ZNF883: variants seen among roughly 807,000 people sequenced by gnomAD.
ZNF883 encodes the protein zinc finger protein 883.
exon 1 of ZNF883, chr9:112,997,717 G>A (rs751115450): frequency 6.2e-7 from 1 of 1,613,722 alleles, no homozygotes; most frequent in Non-Finnish European, 8.5e-7. Context: ...GCTTACACTG[G>A]TAGGATTTTT....
At chr9:112,997,057 T>C (rs534376285), downstream of ZNF883, 121 of 1,453,076 alleles carry the variant, frequency 8.3e-5, no homozygotes, top group Non-Finnish European at 1.1e-4. Flanking sequence ...TAGGGTTGCT[T>C]GAACTGTGAG....
At chr9:113,007,090 A>G (rs542450844) in intron 2 of ZNF883, among the ~76,000 whole-genome samples, 1 of 152,278 alleles carries the variant, frequency 6.6e-6, no homozygotes, top group South Asian at 2.1e-4. Flanking sequence ...GCTGCTCAGG[A>G]GGCAGAGGCA....
At chr9:112,996,808 AAAAAAAAAAAAAAAAAG>A, downstream of ZNF883, among the ~76,000 whole-genome samples, 2 of 149,982 alleles carry the variant, frequency 1.3e-5, no homozygotes, top group Admixed American at 6.6e-5. Context: ...AAAAAAAAAA[AAAAAAAAAAAAAAAAAG>A]TTTTTTTATA....
chr9:113,011,111 G>A (rs1341785790), intron 2 of ZNF883, 30 bp downstream of exon 2: 2 of 152,134 alleles, frequency 1.3e-5, no homozygotes, highest in Non-Finnish European at 1.5e-5. Context: ...CCCAGCTTAA[G>A]GTACAAATGC....
intron 2 of ZNF883, among the ~76,000 whole-genome samples, chr9:113,004,033 G>A (rs1402842167): frequency 6.6e-6 from 1 of 152,178 alleles, no homozygotes; most frequent in Non-Finnish European, 1.5e-5. Context: ...ACTGGAATGG[G>A]GTGGGCTCCT....
At chr9:112,997,450 A>G in exon 1 of ZNF883, 2 of 1,614,068 alleles carry the variant, frequency 1.2e-6, no homozygotes, top group South Asian at 2.2e-5. Context: ...AGGTTTTTCC[A>G]CATTCTTTAC....
rs763677644 is a variant in ZNF883 at position 112,997,968 on chromosome 9, C to A, written n.292G>T. On this transcript the variant is annotated non_coding_transcript_exon_variant, in exon 1 of 1. Transcript: ENST00000639662. ...AAGGTTTTTTCACATTCATTACACT[C>A]ATAAGGTTTCTCCCCAGTATGGACT... is the stretch of plus-strand genomic sequence containing the variant. 1.2e-5 allele frequency: 20 copies of A among 1,613,776 alleles called. No homozygotes were observed. In the South Asian group the frequency reaches 2.0e-4, roughly 16 times the overall value.
chr9:113,004,497 T>C (rs565471339), intron 2 of ZNF883, among the ~76,000 whole-genome samples: 1 of 152,148 alleles, frequency 6.6e-6, no homozygotes, highest in South Asian at 2.1e-4. Context: ...GTCATGATGA[T>C]GGAGGCCTCA....
chr9:112,995,285 A>G (rs959256941), downstream of ZNF883, among the ~76,000 whole-genome samples: 2 of 152,060 alleles, frequency 1.3e-5, no homozygotes, highest in South Asian at 2.1e-4. Context: ...CTCAAACTGG[A>G]ACTTACACCT....
At chr9:112,988,692 A>G (rs1380533060) in intron 1 of ZNF883, among the ~76,000 whole-genome samples, 1 of 152,178 alleles carries the variant, frequency 6.6e-6, no homozygotes, top group Non-Finnish European at 1.5e-5. Flanking sequence ...TGCTGAGTCA[A>G]ATGATATTTC....
intron 1 of ZNF883, among the ~76,000 whole-genome samples, chr9:112,990,388 T>C (rs1828290631): frequency 6.6e-6 from 1 of 152,230 alleles, no homozygotes; most frequent in African/African-American, 2.4e-5. Flanking sequence ...GTTTTTGTCT[T>C]TAGTTCTGTT....
chr9:112,992,435 G>T (rs898011188), downstream of ZNF883, among the ~76,000 whole-genome samples: 1 of 152,210 alleles, frequency 6.6e-6, no homozygotes, highest in African/African-American at 2.4e-5. Context: ...TAGGGTTTCT[G>T]CTGAGAGGTC....
chr9:112,994,906 T>C (rs185857506), downstream of ZNF883, among the ~76,000 whole-genome samples: 259 of 152,320 alleles, frequency 1.7e-3, 5 homozygotes, highest in South Asian at 0.016. Context: ...TAGCATAATA[T>C]TGACTAATAA....
upstream of ZNF883, chr9:113,001,984 CTG>C (rs1464932756): frequency 1.3e-5 from 2 of 152,136 alleles, no homozygotes; most frequent in Non-Finnish European, 2.9e-5. Flanking sequence ...ATTGGAGAAA[CTG>C]TACTCACCCA....
At chr9:112,989,698 AATT>A (rs1211589705) in intron 1 of ZNF883, among the ~76,000 whole-genome samples, 2 of 152,172 alleles carry the variant, frequency 1.3e-5, no homozygotes, top group Non-Finnish European at 2.9e-5. Context: ...TGAATCCATA[AATT>A]ACTTTGAGCA....
downstream of ZNF883, among the ~76,000 whole-genome samples, chr9:112,993,839 A>G (rs1828324549): frequency 6.6e-6 from 1 of 152,184 alleles, no homozygotes; most frequent in Non-Finnish European, 1.5e-5. Flanking sequence ...ATAACCTTTT[A>G]TAGCTGCTGT....
Position 112,998,238 on chromosome 9 carries a change from T to C in ZNF883, n.22A>G, listed in dbSNP as rs758122618. The C allele has an allele frequency of 3.1e-6, 5 of 1,596,220 alleles. No individual in the cohort carries two copies. The South Asian group carries it at 3.4e-5, about 11-fold the overall frequency. On this transcript the variant is annotated non_coding_transcript_exon_variant, in exon 1 of 1. Transcript: ENST00000639662. ...GTACAGAGATATGGGTTCGCGGTCA[T>C]ATAAATTTTCTCAGATTCCATCAGT...
At chr9:112,993,871 C>T (rs1208014454), downstream of ZNF883, among the ~76,000 whole-genome samples, 3 of 152,206 alleles carry the variant, frequency 2.0e-5, no homozygotes, top group Non-Finnish European at 4.4e-5. Context: ...GGCAATTCCT[C>T]CTGGGTCCAA....
At chr9:112,992,509 C>T (rs1828312368), downstream of ZNF883, among the ~76,000 whole-genome samples, 1 of 152,140 alleles carries the variant, frequency 6.6e-6, no homozygotes, top group Non-Finnish European at 1.5e-5. Flanking sequence ...CTGACTTTAA[C>T]ATTTTTTCCT....
Sources: gnomAD v4.1 joint callset for allele counts (sites outside exome capture counted in the v4.1 genomes callset) on GRCh38, gnomAD v4.1.1 for gene constraint, MANE v1.5 for transcripts, NCBI Gene and HGNC (gene_info 2026-07-23, HGNC 2026-07-21) for gene names.